Variants in UNC13C observed in about 807,000 individuals in gnomAD.
UNC13C encodes the protein unc-13 homolog C.
Under a neutral mutation model 245.4 loss-of-function variants are expected in UNC13C, and 174 were observed. The observed-to-expected ratio is 0.71, with a 90% CI of 0.63 to 0.80. UNC13C has a LOEUF of 0.80. UNC13C is among the 30% of genes least tolerant of loss of function. The probability of loss-of-function intolerance (pLI) is 0.00; values close to 1 mark genes in which losing one functional copy is unlikely to be tolerated. For missense variants in UNC13C, 2,829 were observed against 2,602.9 expected (o/e 1.09, Z -1.89); for synonymous variants, 992 against 895.1 (o/e 1.11, Z -1.93).
At chr15:54,538,614 G>C (rs1169561412) in intron 26 of UNC13C, among the ~76,000 whole-genome samples, 15 of 152,062 alleles carry the variant, frequency 9.9e-5, no homozygotes, top group Admixed American at 9.2e-4. Context: ...ATCAATGGTA[G>C]ACTGGATAAA....
chr15:54,534,433 A>G (rs1895899331), intron 26 of UNC13C, among the ~76,000 whole-genome samples: 1 of 152,210 alleles, frequency 6.6e-6, no homozygotes, highest in African/African-American at 2.4e-5. Context: ...AAAAAACACT[A>G]TTCGAACAAC....
In UNC13C at chr15:54,138,231, A is replaced by G. The variant is rs202154988; in HGVS notation, c.2984-4787A>G. ...GTTTTGTGGCTTGAAGACTTTTCCA[A>G]AATGTACACTCTAGAGGAATATATA... On this transcript the variant is annotated intron_variant, in intron 2 of 32. Transcript: ENST00000260323. Among the ~76,000 whole-genome samples the G allele has an allele frequency of 1.1e-4, 16 of 152,248 alleles. No individual in the cohort carries two copies. The East Asian group carries it at 2.7e-3, about 26-fold the overall frequency.
At chr15:54,369,661 T>A (rs925397951) in intron 17 of UNC13C, among the ~76,000 whole-genome samples, 5 of 152,268 alleles carry the variant, frequency 3.3e-5, no homozygotes, top group African/African-American at 9.6e-5. Context: ...TCTTAGATTG[T>A]CTTTTCTATA....
rs1335340334 is a variant in UNC13C, at chr15:54,184,882, C to A, written c.3071+41198C>A. Among the ~76,000 whole-genome samples the A allele has an allele frequency of 2.0e-5, 3 of 152,236 alleles. No homozygotes were observed. The East Asian group carries it at 5.8e-4, about 29-fold the overall frequency. ...TGGTTGAACTAGTTTACAGTCCCAC[C>A]AATGGTGTAAAAGTGTTCCTATTTC... On this transcript the variant is annotated intron_variant, in intron 4 of 32. Coordinates refer to ENST00000260323, the MANE Select transcript of UNC13C (RefSeq NM_001080534.3).
At chr15:54,614,424 A>C (rs1380659117) in intron 30 of UNC13C, among the ~76,000 whole-genome samples, 5 of 151,816 alleles carry the variant, frequency 3.3e-5, no homozygotes, top group Non-Finnish European at 7.4e-5. Flanking sequence ...AATTTCCCTG[A>C]AAATATGTAA....
intron 31 of UNC13C, among the ~76,000 whole-genome samples, chr15:54,623,264 T>C (rs56137749): frequency 1.5e-3 from 233 of 152,154 alleles, no homozygotes; most frequent in Non-Finnish European, 2.8e-3. Flanking sequence ...AAATATAGGA[T>C]GAAATAGCCA....
chr15:53,960,062 C>A, the UNC13C span, among the ~76,000 whole-genome samples: 15 of 152,034 alleles, frequency 9.9e-5, no homozygotes, highest in Non-Finnish European at 1.6e-4. Flanking sequence ...TCTCTCTTAC[C>A]CTCTCTGAGA....
intron 2 of UNC13C, among the ~76,000 whole-genome samples, chr15:54,135,748 G>A (rs957355639): frequency 5.9e-5 from 9 of 152,014 alleles, no homozygotes; most frequent in Non-Finnish European, 1.2e-4. Flanking sequence ...CCCCAGCTTC[G>A]TTCTTTTCTT....
intron 2 of UNC13C, among the ~76,000 whole-genome samples, chr15:54,038,124 A>ATATATGTTTTTTTTTTT: frequency 2.2e-5 from 1 of 45,040 alleles, no homozygotes; most frequent in Non-Finnish European, 3.5e-5. Flanking sequence ...ATATATATAT[A>ATATATGTTTTTTTTTTT]TTTTTTTTTT....
chr15:54,118,899 A>C (rs1201800889), intron 2 of UNC13C, among the ~76,000 whole-genome samples: 1 of 145,030 alleles, frequency 6.9e-6, no homozygotes, highest in Admixed American at 6.8e-5. Flanking sequence ...AAATGATCTT[A>C]CGGTTTTTTT....
chr15:54,459,105 C>G (rs1299200872), intron 19 of UNC13C, among the ~76,000 whole-genome samples: 1 of 152,084 alleles, frequency 6.6e-6, no homozygotes, highest in Non-Finnish European at 1.5e-5. Context: ...GGTGAATTCT[C>G]TCAGCATTTG....
intron 17 of UNC13C, among the ~76,000 whole-genome samples, chr15:54,370,077 A>G (rs113845331): frequency 0.01 from 1,539 of 152,274 alleles, 21 homozygotes; most frequent in African/African-American, 0.035. Flanking sequence ...TAGGACTGCT[A>G]TCGAGCCAAC....
chr15:53,997,682 G>T (rs1329442246), intron 1 of UNC13C, among the ~76,000 whole-genome samples: 1 of 151,766 alleles, frequency 6.6e-6, no homozygotes, highest in Non-Finnish European at 1.5e-5. Flanking sequence ...TCTATTTCTG[G>T]ACTTTCTTCT....
intron 19 of UNC13C, among the ~76,000 whole-genome samples, chr15:54,456,474 A>T (rs950194885): frequency 1.3e-5 from 2 of 152,086 alleles, no homozygotes; most frequent in Non-Finnish European, 2.9e-5. Flanking sequence ...GGTCCTACCC[A>T]TCCATGAGCA....
chr15:54,478,616 C>T lies in UNC13C; in HGVS notation c.4934-15992C>T, dbSNP rs552467110. ...GTTGTTCAGTTTCCATGTAGTTGAG[C>T]AGTTTTGAGTGAGTTTCTTAATCCT... is the stretch of plus-strand genomic sequence containing the variant. On this transcript the variant is annotated intron_variant, in intron 19 of 32. Transcript: ENST00000260323. 4.1e-4 allele frequency among the ~76,000 whole-genome samples: 62 copies of T among 151,658 alleles called. No individual in the cohort carries two copies. In the East Asian group the frequency reaches 0.01, roughly 25 times the overall value.
At chr15:53,838,457 G>T in the UNC13C span, among the ~76,000 whole-genome samples, 1 of 151,894 alleles carries the variant, frequency 6.6e-6, no homozygotes, top group Non-Finnish European at 1.5e-5. Flanking sequence ...GGTTAAATGT[G>T]CTCCCTTCTA....
At chr15:53,846,374 T>A in the UNC13C span, among the ~76,000 whole-genome samples, 1 of 152,216 alleles carries the variant, frequency 6.6e-6, no homozygotes, top group African/African-American at 2.4e-5. Context: ...GGTGGATTTT[T>A]AAAAAATTTG....
At chr15:54,049,859 C>T (rs960359483) in intron 2 of UNC13C, 1 of 234,498 alleles carries the variant, frequency 4.3e-6, no homozygotes, top group South Asian at 6.4e-5. Flanking sequence ...TGTAACTATC[C>T]CATGCCTTAT....
the UNC13C span, among the ~76,000 whole-genome samples, chr15:53,868,748 C>T: frequency 6.6e-6 from 1 of 152,104 alleles, no homozygotes; most frequent in Non-Finnish European, 1.5e-5. Context: ...AACTTTGAAG[C>T]AGGAGATTCA....
Sources: gnomAD v4.1 joint callset for allele counts (sites outside exome capture counted in the v4.1 genomes callset) on GRCh38, gnomAD v4.1.1 for gene constraint, MANE v1.5 for transcripts, NCBI Gene and HGNC (gene_info 2026-07-23, HGNC 2026-07-21) for gene names.